Variants in PAPSS1 observed in about 807,000 individuals in gnomAD.
PAPSS1 encodes the protein bifunctional 3'-phosphoadenosine 5'-phosphosulfate synthase 1.
A neutral mutation model predicts 72.0 loss-of-function variants in PAPSS1; 50 were observed. The ratio of observed to expected loss-of-function variants is 0.69; its 90% confidence interval spans 0.55 to 0.88. The LOEUF (loss-of-function observed/expected upper bound fraction) is 0.88, where lower values mean the gene tolerates loss of function less well. Among genes scored for constraint, PAPSS1 ranks in the 40% least tolerant of loss-of-function variants. PAPSS1 has a pLI of 0.00. For synonymous variants in PAPSS1, 261 were observed against 263.6 expected, an observed-to-expected ratio of 0.99 and a Z score of 0.09; for missense variants, 657 against 782.2, an observed-to-expected ratio of 0.84 and a Z score of 1.91.
chr4:107,655,248 G>A (rs1186093455), intron 7 of PAPSS1, among the ~76,000 whole-genome samples: 1 of 151,986 alleles, frequency 6.6e-6, no homozygotes, highest in Admixed American at 6.6e-5. Flanking sequence ...AATACATACT[G>A]TGCACTTCCA....
chr4:107,699,117 C>A (rs1464753521), intron 2 of PAPSS1, among the ~76,000 whole-genome samples: 1 of 151,862 alleles, frequency 6.6e-6, no homozygotes, highest in Non-Finnish European at 1.5e-5. Context: ...AAATGGAAAA[C>A]ACCACGTTCA....
intron 5 of PAPSS1, among the ~76,000 whole-genome samples, chr4:107,663,782 T>C (rs775926062): frequency 1.3e-5 from 2 of 152,340 alleles, no homozygotes; most frequent in Middle Eastern, 3.4e-3. Context: ...ACTTTAATTA[T>C]TTCCCATTTC....
At chr4:107,655,475 G>C (rs1490931054) in intron 7 of PAPSS1, among the ~76,000 whole-genome samples, 3 of 152,036 alleles carry the variant, frequency 2.0e-5, no homozygotes, top group Non-Finnish European at 4.4e-5. Context: ...AAGAAATAAA[G>C]ACAGTAATGA....
At chr4:107,648,896 T>C (rs2110314648) in intron 9 of PAPSS1, among the ~76,000 whole-genome samples, 2 of 151,870 alleles carry the variant, frequency 1.3e-5, no homozygotes, top group African/African-American at 4.8e-5. Context: ...AGGTGGGGGG[T>C]GGAAATAAAG....
chr4:107,718,284 T>G (rs2125945618), intron 1 of PAPSS1: 1 of 152,298 alleles, frequency 6.6e-6, no homozygotes, highest in African/African-American at 2.4e-5. Context: ...GAATCAAGTC[T>G]TCTCTGCAGC....
intron 5 of PAPSS1, among the ~76,000 whole-genome samples, chr4:107,672,758 C>CA (rs565212156): frequency 8.5e-4 from 130 of 152,320 alleles, no homozygotes; most frequent in African/African-American, 2.5e-3. Flanking sequence ...TGAGAACTGA[C>CA]AGACTGCCTC....
Position 107,657,096 on chromosome 4 carries a change from G to A in PAPSS1, c.784-89C>T. The A allele has an allele frequency of 4.8e-6, 4 of 828,352 alleles. No homozygotes were observed. In the South Asian group the frequency reaches 5.5e-5, roughly 11 times the overall value. The allele number at this position is 828,352 out of a possible 1,614,324, so 51.3% of individuals were successfully genotyped here. On this transcript the variant is annotated intron_variant, in intron 6 of 11. Transcript: ENST00000265174. ...GACCTTTAGGAATTTAATTTTGAAA[G>A]CAATGGAAACAAACAGTGTAAGGAT... is the stretch of plus-strand genomic sequence containing the variant.
At chr4:107,714,405 C>T (rs1362506006) in intron 1 of PAPSS1, among the ~76,000 whole-genome samples, 1 of 152,202 alleles carries the variant, frequency 6.6e-6, no homozygotes, top group Non-Finnish European at 1.5e-5. Context: ...ATTCTCTCTA[C>T]TACCGCTTAA....
rs1450324859 is a variant in PAPSS1 at position 107,694,002 on chromosome 4, C to T, written c.180G>A (p.Leu60=). Residue 60 remains leucine, a synonymous_variant, in exon 3 of 12, where the codon TTG becomes TTA. Transcript: ENST00000265174. Reference sequence around the variant, plus strand: ...TCACAGTAGTCTTTCCCGCTCCAGACAAGCCTAAAATTAAACAGTCCAAAC... The same window carrying T: ...TCACAGTAGTCTTTCCCGCTCCAGATAAGCCTAAAATTAAACAGTCCAAAC... The part of the protein sequence containing the change: ...FRGCTVWLTG[L]SGAGKTTVSM... The T allele has an allele frequency of 3.7e-6, 6 of 1,607,980 alleles. No individual in the cohort carries two copies. The highest frequency in any genetic ancestry group is 5.1e-6 in the Non-Finnish European group (6 of 1,175,764).
intron 5 of PAPSS1, among the ~76,000 whole-genome samples, chr4:107,664,944 C>T (rs1475652344): frequency 6.6e-6 from 1 of 152,150 alleles, no homozygotes; most frequent in Non-Finnish European, 1.5e-5. Context: ...AAACTCTTCC[C>T]TCTTCAAAAT....
At chr4:107,700,028 C>T (rs1723168425) in intron 2 of PAPSS1, among the ~76,000 whole-genome samples, 1 of 151,886 alleles carries the variant, frequency 6.6e-6, no homozygotes, top group African/African-American at 2.4e-5. Flanking sequence ...TAAACCTGGG[C>T]AATAAAAATG....
At chr4:107,709,688 C>G (rs923161833) in intron 1 of PAPSS1, among the ~76,000 whole-genome samples, 5 of 152,140 alleles carry the variant, frequency 3.3e-5, no homozygotes, top group Non-Finnish European at 2.9e-5. Flanking sequence ...CCACCTGGAC[C>G]CACCAACCAC....
chr4:107,680,936 A>G (rs896339623), intron 5 of PAPSS1, among the ~76,000 whole-genome samples: 1 of 152,240 alleles, frequency 6.6e-6, no homozygotes, highest in Non-Finnish European at 1.5e-5. Context: ...CATTATTTCT[A>G]TATATTCAGC....
chr4:107,706,689 C>T (rs576983374), intron 1 of PAPSS1, among the ~76,000 whole-genome samples: 5 of 152,168 alleles, frequency 3.3e-5, no homozygotes, highest in African/African-American at 1.2e-4. Context: ...TTTCACATTT[C>T]TTGTTGTCTT....
At chr4:107,709,143 T>C (rs984409261) in intron 1 of PAPSS1, among the ~76,000 whole-genome samples, 1 of 152,196 alleles carries the variant, frequency 6.6e-6, no homozygotes, top group African/African-American at 2.4e-5. Context: ...CTCTTTTAAA[T>C]TTAATTCAGC....
intron 11 of PAPSS1, among the ~76,000 whole-genome samples, chr4:107,614,668 T>C (rs1725774605): frequency 6.6e-6 from 1 of 152,206 alleles, no homozygotes; most frequent in South Asian, 2.1e-4. Flanking sequence ...CAGTCACCAT[T>C]GTACCCTTTA....
chr4:107,643,990 A>C (rs1726628017), intron 10 of PAPSS1, among the ~76,000 whole-genome samples: 1 of 152,188 alleles, frequency 6.6e-6, no homozygotes, highest in African/African-American at 2.4e-5. Flanking sequence ...ACTCAAACAT[A>C]GTATAGAGAG....
chr4:107,690,694 G>T (rs1224228950), intron 3 of PAPSS1, among the ~76,000 whole-genome samples: 1 of 152,104 alleles, frequency 6.6e-6, no homozygotes, highest in African/African-American at 2.4e-5. Context: ...GTCCTGTATT[G>T]CATGTTTCAA....
At chr4:107,639,855 T>G (rs1726490516) in intron 10 of PAPSS1, among the ~76,000 whole-genome samples, 1 of 152,212 alleles carries the variant, frequency 6.6e-6, no homozygotes, top group African/African-American at 2.4e-5. Context: ...ACAAGCACAC[T>G]GGCATCCATG....
Sources: gnomAD v4.1 joint callset for allele counts (sites outside exome capture counted in the v4.1 genomes callset) on GRCh38, gnomAD v4.1.1 for gene constraint, MANE v1.5 for transcripts, NCBI Gene and HGNC (gene_info 2026-07-23, HGNC 2026-07-21) for gene names.